Variants in VPS13B observed in about 807,000 individuals in gnomAD.
VPS13B encodes intermembrane lipid transfer protein VPS13B.
In VPS13B, 285 loss-of-function variants were observed where a neutral mutation model predicts 426.4. That is an observed-to-expected ratio of 0.67 (90% confidence interval 0.61 to 0.74). The LOEUF (loss-of-function observed/expected upper bound fraction) is 0.74, where lower values mean the gene tolerates loss of function less well. Among genes scored for constraint, VPS13B ranks in the 30% least tolerant of loss-of-function variants. The pLI is 0.00. For synonymous variants in VPS13B, 1,676 were observed against 1,676.4 expected, an observed-to-expected ratio of 1.00 and a Z score of 0.01; for missense variants, 4,537 against 4,782.6, an observed-to-expected ratio of 0.95 and a Z score of 1.51.
intron 54 of VPS13B, among the ~76,000 whole-genome samples, chr8:99,842,465 A>T (rs571730094): frequency 2.6e-5 from 4 of 152,000 alleles, no homozygotes; most frequent in Non-Finnish European, 5.9e-5. Context: ...AAAAAAAAAA[A>T]ATCACCAAGC....
chr8:99,169,002 C>T (rs1812175309), intron 15 of VPS13B, among the ~76,000 whole-genome samples: 2 of 151,792 alleles, frequency 1.3e-5, no homozygotes, highest in South Asian at 4.1e-4. Flanking sequence ...TTGGAAGTAG[C>T]TTAATACTTT....
chr8:99,619,888 T>TAAC (rs968213577), intron 33 of VPS13B, among the ~76,000 whole-genome samples: 2 of 98,648 alleles, frequency 2.0e-5, no homozygotes, highest in African/African-American at 3.5e-5. Context: ...ATGATGATGA[T>TAAC]AATAATAATA....
rs560247268 is a variant in VPS13B at position 99,508,676 on chromosome 8, A to C, written c.4224+1473A>C. ...GTGTCTGTGAAAAACATTCTTAATA[A>C]TTTTAACAAATATTCATAAAGAAAC... On this transcript the variant is annotated intron_variant, in intron 28 of 61. Transcript: ENST00000357162. Among the ~76,000 whole-genome samples the C allele has an allele frequency of 6.3e-4, 96 of 152,190 alleles. 2 individuals carry two copies. In the South Asian group the frequency reaches 0.019, roughly 31 times the overall value.
At chr8:99,048,425 C>T (rs1483015613) in intron 3 of VPS13B, among the ~76,000 whole-genome samples, 2 of 152,164 alleles carry the variant, frequency 1.3e-5, no homozygotes, top group Non-Finnish European at 2.9e-5. Context: ...TCGTGATAAC[C>T]TGTCTAGTGC....
At chr8:99,019,882 T>C (rs1427143918) in intron 2 of VPS13B, among the ~76,000 whole-genome samples, 1 of 152,260 alleles carries the variant, frequency 6.6e-6, no homozygotes, top group Non-Finnish European at 1.5e-5. Flanking sequence ...CATTCATTTA[T>C]TCGTTGATGG....
intron 36 of VPS13B, among the ~76,000 whole-genome samples, chr8:99,712,953 AAG>A (rs1832763764): frequency 1.3e-5 from 2 of 152,124 alleles, no homozygotes; most frequent in African/African-American, 4.8e-5. Flanking sequence ...TAAGTTCTCT[AAG>A]AGGTAGGCAC....
In VPS13B at chr8:99,026,312, T is replaced by C. The variant is rs1842132575; in HGVS notation, c.148-12111T>C. 3.9e-5 allele frequency among the ~76,000 whole-genome samples: 6 copies of C among 152,226 alleles called. No individual in the cohort carries two copies. In the South Asian group the frequency reaches 1.2e-3, roughly 31 times the overall value. ...GTGTATTTGTACAGTTTCCAAAGTGTACTTGTTACTGATTTTTAGTTTTAT... is the reference window on the plus strand; with the variant it reads ...GTGTATTTGTACAGTTTCCAAAGTGCACTTGTTACTGATTTTTAGTTTTAT... On this transcript the variant is annotated intron_variant, in intron 2 of 61. Transcript: ENST00000357162.
chr8:99,236,949 G>A (rs1816685252), intron 17 of VPS13B, among the ~76,000 whole-genome samples: 1 of 152,184 alleles, frequency 6.6e-6, no homozygotes, highest in Admixed American at 6.5e-5. Flanking sequence ...ATTCCCACGT[G>A]TCGTGGGAGG....
intron 22 of VPS13B, among the ~76,000 whole-genome samples, chr8:99,439,567 T>C (rs117994658): frequency 0.037 from 5,608 of 152,218 alleles, 150 homozygotes; most frequent in Non-Finnish European, 0.053. Context: ...CATACACTTA[T>C]ATAGAGAACA....
At chr8:99,839,251 C>T (rs371116982) in intron 54 of VPS13B, among the ~76,000 whole-genome samples, 7 of 152,136 alleles carry the variant, frequency 4.6e-5, no homozygotes, top group East Asian at 1.9e-4. Context: ...GCTGTTTCTT[C>T]GCAAATGGAT....
At chr8:99,709,717 C>T (rs915044777) in intron 36 of VPS13B, among the ~76,000 whole-genome samples, 1 of 152,152 alleles carries the variant, frequency 6.6e-6, no homozygotes, top group Non-Finnish European at 1.5e-5. Flanking sequence ...TCATACCGTA[C>T]GATTGGTCAA....
At chr8:99,393,366 G>C (rs766721477) in intron 21 of VPS13B, among the ~76,000 whole-genome samples, 1 of 151,930 alleles carries the variant, frequency 6.6e-6, no homozygotes, top group Non-Finnish European at 1.5e-5. Flanking sequence ...ATTAATAATT[G>C]TTAGTGAGGG....
chr8:99,259,994 G>A (rs1212727044), intron 17 of VPS13B, among the ~76,000 whole-genome samples: 1 of 151,822 alleles, frequency 6.6e-6, no homozygotes, highest in Non-Finnish European at 1.5e-5. Flanking sequence ...AGTAAAAGAT[G>A]GAATTCAAAT....
chr8:99,162,630 G>A (rs899941606), intron 15 of VPS13B, among the ~76,000 whole-genome samples: 1 of 152,090 alleles, frequency 6.6e-6, no homozygotes, highest in Admixed American at 6.5e-5. Context: ...CAGCTCTTAA[G>A]GCAGCGCGTC....
rs187822901 is a variant in VPS13B, at chr8:99,355,484, A to G, written c.2825-28724A>G. Reference sequence around the variant, plus strand: ...CACATGCCTGTAATCCCAGCTACTCAGGAGGCTGAGGCAGGAGAATCGCTT... The same window carrying G: ...CACATGCCTGTAATCCCAGCTACTCGGGAGGCTGAGGCAGGAGAATCGCTT... On this transcript the variant is annotated intron_variant, in intron 19 of 61. Transcript: ENST00000357162. 4.1e-3 allele frequency among the ~76,000 whole-genome samples: 631 copies of G among 152,214 alleles called. 5 individuals are homozygous for G. The highest frequency in any genetic ancestry group is 0.022 in the South Asian group (104 of 4,816).
At chr8:99,315,361 G>A (rs1296906982) in intron 19 of VPS13B, among the ~76,000 whole-genome samples, 5 of 148,116 alleles carry the variant, frequency 3.4e-5, no homozygotes, top group Non-Finnish European at 5.9e-5. Flanking sequence ...AACTAACTGG[G>A]TTATTTCAAA....
At chr8:99,762,443 A>G (rs1437232084) in intron 39 of VPS13B, among the ~76,000 whole-genome samples, 1 of 152,214 alleles carries the variant, frequency 6.6e-6, no homozygotes, top group Non-Finnish European at 1.5e-5. Context: ...CAGTCCAGAG[A>G]GTAGTTAAGC....
At chr8:99,267,432 T>C (rs1180472638) in intron 17 of VPS13B, among the ~76,000 whole-genome samples, 2 of 151,984 alleles carry the variant, frequency 1.3e-5, no homozygotes, top group Non-Finnish European at 2.9e-5. Flanking sequence ...GATTATGCGA[T>C]AGAAAAGAAA....
chr8:99,608,583 A>G (rs1381413971), intron 33 of VPS13B, among the ~76,000 whole-genome samples: 1 of 152,202 alleles, frequency 6.6e-6, no homozygotes, highest in Non-Finnish European at 1.5e-5. Flanking sequence ...CAATTTTGGA[A>G]TAATTTTAAC....
Sources: allele counts gnomAD v4.1 joint callset (sites outside exome capture counted in the v4.1 genomes callset), GRCh38; gene constraint gnomAD v4.1.1; transcripts MANE v1.5; gene names NCBI Gene and HGNC (gene_info 2026-07-23, HGNC 2026-07-21).